The following LAMC3 variants were observed in gnomAD, a reference collection of about 807,000 sequenced individuals.
LAMC3 encodes laminin subunit gamma 3, also known as laminin subunit gamma-3.
Under a neutral mutation model 173.8 loss-of-function variants are expected in LAMC3, and 128 were observed. The observed-to-expected ratio is 0.74, with a 90% confidence interval of 0.64 to 0.85. The LOEUF is 0.85. Among genes scored for constraint, LAMC3 ranks in the 40% least tolerant of loss-of-function variants. The pLI is 0.00. For synonymous variants in LAMC3, 897 were observed against 909.1 expected, an observed-to-expected ratio of 0.99 and a Z score of 0.24; for missense variants, 2,022 against 2,156.0, an observed-to-expected ratio of 0.94 and a Z score of 1.23.
Position 131,079,146 on chromosome 9 carries a change from C to T in LAMC3, c.3778-3C>T, listed in dbSNP as rs372147208. 3 of 1,612,876 alleles carry T rather than the reference C, an allele frequency of 1.9e-6. No homozygotes were observed. The highest frequency in any genetic ancestry group is 2.5e-6 in the Non-Finnish European group (3 of 1,179,474). On this transcript the variant is annotated splice_region_variant and splice_polypyrimidine_tract_variant and intron_variant, in intron 22 of 27. Transcript: ENST00000361069. Reference sequence around the variant, plus strand: ...CCTGCCTGAGCGCATTGTCTCCCTGCAGCCTCAGAAGTCCCGGGCTGAAGA... The same window carrying T: ...CCTGCCTGAGCGCATTGTCTCCCTGTAGCCTCAGAAGTCCCGGGCTGAAGA...
At chr9:131,020,451 A>G (rs898789782) in intron 1 of LAMC3, among the ~76,000 whole-genome samples, 1 of 152,330 alleles carries the variant, frequency 6.6e-6, no homozygotes, top group African/African-American at 2.4e-5. Flanking sequence ...TAAGCCCCAA[A>G]TATGAATCAA....
chr9:131,062,334 C>T (rs914236055), intron 13 of LAMC3, among the ~76,000 whole-genome samples: 3 of 151,738 alleles, frequency 2.0e-5, no homozygotes, highest in African/African-American at 4.8e-5. Context: ...GCACTCCAGC[C>T]GGGGCAACAA....
Position 131,026,577 on chromosome 9 carries a change from C to T in LAMC3, c.666C>T (p.Ser222=), listed in dbSNP as rs759171248. 6.3e-7 allele frequency: 1 copy of T among 1,595,840 alleles called. No individual in the cohort carries two copies. Among genetic ancestry groups the T allele is most frequent in the South Asian group, 1.1e-5 (1 of 89,306 alleles). Residue 222 remains serine, a synonymous_variant, in exon 2 of 28, where the codon AGC becomes AGT. Coordinates refer to ENST00000361069, the MANE Select transcript of LAMC3 (RefSeq NM_006059.4). The surrounding 1 kb of genome is among the most constrained non-coding windows in gnomAD (Gnocchi z 4.8). The part of the protein sequence containing the change: ...GRPSAYNFEE[S]PGLQEWVTST... ...CCAGCGCCTACAACTTCGAGGAGAG[C>T]CCTGGGCTGCAGGTCAGGGAGGAGC... is the stretch of plus-strand genomic sequence containing the variant.
intron 11 of LAMC3, among the ~76,000 whole-genome samples, chr9:131,054,395 A>T (rs1347263970): frequency 1.3e-5 from 2 of 152,162 alleles, no homozygotes. Context: ...ATGTTTTGGG[A>T]GGCCTCTCTC....
Position 131,032,102 on chromosome 9 carries a change from G to A in LAMC3, c.736G>A (p.Asp246Asn), listed in dbSNP as rs1833834813. Residue 246 changes from aspartate (D) to asparagine (N), a missense_variant, in exon 3 of 28, where the codon GAC becomes AAC. Asp to Asn is a conservative substitution (Grantham distance 23). Coordinates refer to ENST00000361069, the MANE Select transcript of LAMC3 (RefSeq NM_006059.4). ...ISLDRLNTFG[D>N]DIFKDPKVLQ... is the part of the protein sequence containing the mutation. Reference sequence around the variant, plus strand: ...TCTAGACCGGCTCAACACGTTTGGGGACGACATCTTCAAGGACCCCAAGGT... The same window carrying A: ...TCTAGACCGGCTCAACACGTTTGGGAACGACATCTTCAAGGACCCCAAGGT... 6.2e-7 allele frequency: 1 copy of A among 1,614,096 alleles called. No individual in the cohort carries two copies. Among genetic ancestry groups the A allele is most frequent in the East Asian group, 2.2e-5 (1 of 44,868 alleles).
At chr9:131,080,634 G>A (rs1029102078) in intron 23 of LAMC3, among the ~76,000 whole-genome samples, 16 of 152,152 alleles carry the variant, frequency 1.1e-4, no homozygotes, top group Non-Finnish European at 2.4e-4. Flanking sequence ...GCATGAGAAT[G>A]TATCTGAAGA....
rs893345126 is a variant in LAMC3, at chr9:131,033,832, G to A, written c.809+1657G>A. On this transcript the variant is annotated intron_variant, in intron 3 of 27. Transcript: ENST00000361069. ...GGGAGTGGGGAGCGGGGATGACACT[G>A]GACTCTGGGCCTCCACAGTTCAGAG... Among the ~76,000 whole-genome samples the A allele has an allele frequency of 2.0e-5, 3 of 152,120 alleles. No homozygotes were observed. The East Asian group carries it at 5.8e-4, about 29-fold the overall frequency.
intron 19 of LAMC3, among the ~76,000 whole-genome samples, 156 bp from the exon 20 acceptor site, chr9:131,073,089 T>C (rs942498740): frequency 2.6e-5 from 4 of 152,230 alleles, no homozygotes; most frequent in African/African-American, 9.6e-5. Flanking sequence ...TTCTGCATCC[T>C]AGGACTCCGC....
chr9:131,069,897 C>T, intron 17 of LAMC3, 47 bp downstream of exon 17: 2 of 1,527,320 alleles, frequency 1.3e-6, no homozygotes, highest in South Asian at 1.2e-5. Context: ...TCTGTATTCC[C>T]AGCAAGTGCC....
At chr9:131,072,912 G>T in intron 19 of LAMC3, 77 bp downstream of exon 19, 14 of 1,375,284 alleles carry the variant, frequency 1.0e-5, no homozygotes, top group Non-Finnish European at 1.4e-5. Flanking sequence ...CATTGACCTG[G>T]TGACCTTGGG....
rs1484450408 is a variant in LAMC3, at chr9:131,029,101, A to G, written c.678+2512A>G. 2.0e-5 allele frequency among the ~76,000 whole-genome samples: 3 copies of G among 152,184 alleles called. No individual in the cohort carries two copies. The highest frequency in any genetic ancestry group is 1.9e-4 in the East Asian group (1 of 5,180). On this transcript the variant is annotated intron_variant, in intron 2 of 27. Transcript: ENST00000361069. This position sits in a 1 kb window ranked among gnomAD's most constrained non-coding sequence, Gnocchi z 4.6. Reference sequence around the variant, plus strand: ...CCCCACCGCAAATCACATCATCCGCATAGACTACCTAGTGTGGCCCAAGGG... The same window carrying G: ...CCCCACCGCAAATCACATCATCCGCGTAGACTACCTAGTGTGGCCCAAGGG...
At chr9:131,050,257 G>A (rs906119196) in intron 9 of LAMC3, among the ~76,000 whole-genome samples, 4 of 152,256 alleles carry the variant, frequency 2.6e-5, no homozygotes, top group East Asian at 1.9e-4. Flanking sequence ...AGGCCGGCCC[G>A]CTCCCGGGGC....
chr9:131,083,688 A>G (rs924375519), intron 24 of LAMC3, among the ~76,000 whole-genome samples: 23 of 152,204 alleles, frequency 1.5e-4, no homozygotes, highest in Admixed American at 1.4e-3. Context: ...ACGTTTGTTA[A>G]CACCGTGGAG....
chr9:131,022,422 A>G (rs1401325257), intron 1 of LAMC3, among the ~76,000 whole-genome samples: 1 of 152,082 alleles, frequency 6.6e-6, no homozygotes, highest in Non-Finnish European at 1.5e-5. Context: ...AATAACATAC[A>G]TAGTATATAT....
rs758904745 is a variant in LAMC3, at chr9:131,091,882, C to G, written c.*95C>G. The G allele has an allele frequency of 4.1e-6, 6 of 1,476,478 alleles. No individual in the cohort carries two copies. The Middle Eastern group carries it at 6.9e-4, about 170-fold the overall frequency. The allele number at this position is 1,476,478 out of a possible 1,614,324, so 91.5% of individuals were successfully genotyped here. A position where few individuals can be genotyped will look rare whatever the true frequency, so the allele number is the denominator to read the frequency against. On this transcript the variant is annotated 3_prime_UTR_variant, in exon 28 of 28. Transcript: ENST00000361069. ...CCACAGGTGTGCCCATACAGACATT[C>G]CCCGGAGCCGGCTGCTGTGAACTCG...
At chr9:131,089,368 T>G (rs7847692) in intron 27 of LAMC3, among the ~76,000 whole-genome samples, 1 of 151,608 alleles carries the variant, frequency 6.6e-6, no homozygotes, top group East Asian at 1.9e-4. Flanking sequence ...TGGAATCATA[T>G]AGTATTTGTA....
intron 23 of LAMC3, among the ~76,000 whole-genome samples, chr9:131,081,457 C>CCCTCCCTCCCTT (rs1830239035): frequency 7.0e-6 from 1 of 142,886 alleles, no homozygotes. Context: ...CTCCCTCCCT[C>CCCTCCCTCCCTT]CCTCCCTTCC....
intron 24 of LAMC3, among the ~76,000 whole-genome samples, chr9:131,082,392 C>A (rs1830257377): frequency 6.6e-6 from 1 of 152,198 alleles, no homozygotes; most frequent in Admixed American, 6.5e-5. Context: ...CATCAGACCA[C>A]ATGCAGAGCC....
At chr9:131,020,690 A>G (rs1024095172) in intron 1 of LAMC3, among the ~76,000 whole-genome samples, 2 of 152,214 alleles carry the variant, frequency 1.3e-5, no homozygotes, top group Non-Finnish European at 2.9e-5. Flanking sequence ...GGCTGAGAGA[A>G]TGACAGAGAG....
Sources: allele counts gnomAD v4.1 joint callset (sites outside exome capture counted in the v4.1 genomes callset), GRCh38; gene constraint gnomAD v4.1.1; non-coding constraint Gnocchi (gnomAD v3.1); transcripts MANE v1.5; gene names NCBI Gene and HGNC (gene_info 2026-07-23, HGNC 2026-07-21).